UBE2D2: variants seen among roughly 807,000 people sequenced by gnomAD.
The protein encoded by UBE2D2 is ubiquitin-conjugating enzyme E2 D2.
Under a neutral mutation model 24.2 loss-of-function variants are expected in UBE2D2, and 2 were observed. The ratio of observed to expected loss-of-function variants is 0.08; its 90% CI spans 0.03 to 0.26. The LOEUF is 0.26. Ranked by LOEUF, UBE2D2 falls within the 10% of genes least tolerant of loss-of-function variation. UBE2D2 has a pLI of 1.00. For missense variants in UBE2D2, 44 were observed against 177.6 expected, an observed-to-expected ratio of 0.25 and a Z score of 4.28; for synonymous variants, 58 against 56.5, an observed-to-expected ratio of 1.03 and a Z score of -0.12.
chr5:139,618,996 CA>C lies in UBE2D2; in HGVS notation c.304+4035del, dbSNP rs746942835. Reference sequence around the variant, plus strand: ...GATGGGGACCTAAATATTTAAAAAACAAAAACAAAAACACTGAAAAAAACTG... The same window carrying C: ...GATGGGGACCTAAATATTTAAAAAACAAAACAAAAACACTGAAAAAAACTG... On this transcript the variant is annotated intron_variant, in intron 5 of 6. Coordinates refer to ENST00000398733, the MANE Select transcript of UBE2D2 (RefSeq NM_003339.3). Among the ~76,000 whole-genome samples the C allele has an allele frequency of 3.9e-5, 6 of 152,088 alleles. No individual in the cohort carries two copies. In the East Asian group the frequency reaches 9.6e-4, roughly 24 times the overall value.
intron 1 of UBE2D2, among the ~76,000 whole-genome samples, chr5:139,549,843 C>T (rs1178623168): frequency 6.6e-6 from 1 of 152,232 alleles, no homozygotes. Flanking sequence ...TTATGTCTAG[C>T]TGGAGGAGTG....
intron 1 of UBE2D2, among the ~76,000 whole-genome samples, chr5:139,548,512 A>C (rs1261934228): frequency 6.6e-6 from 1 of 151,900 alleles, no homozygotes; most frequent in Non-Finnish European, 1.5e-5. Context: ...GGAACCCAAA[A>C]CCCCAGCTTC....
intron 2 of UBE2D2, among the ~76,000 whole-genome samples, chr5:139,614,063 A>G (rs1391909929): frequency 3.3e-5 from 2 of 60,634 alleles, no homozygotes; most frequent in Non-Finnish European, 5.8e-5. Flanking sequence ...CTCTGTCTCA[A>G]AAAAAAAAAA....
chr5:139,601,846 G>A (rs922428870), intron 2 of UBE2D2, among the ~76,000 whole-genome samples: 3 of 146,282 alleles, frequency 2.1e-5, no homozygotes, highest in African/African-American at 7.6e-5. Context: ...GGAGGCAGAG[G>A]TTGCAGTGAG....
chr5:139,528,322 G>A (rs191348274), intron 1 of UBE2D2, among the ~76,000 whole-genome samples: 1 of 151,592 alleles, frequency 6.6e-6, no homozygotes, highest in East Asian at 1.9e-4. Context: ...TTTCACCCTG[G>A]CATTTCATCA....
At chr5:139,546,995 G>A (rs1752839678) in intron 1 of UBE2D2, among the ~76,000 whole-genome samples, 1 of 151,406 alleles carries the variant, frequency 6.6e-6, no homozygotes. Context: ...CCGGCTTCAA[G>A]AGATTCTCCT....
intron 5 of UBE2D2, among the ~76,000 whole-genome samples, chr5:139,620,434 C>T (rs1294566754): frequency 1.3e-5 from 2 of 152,190 alleles, no homozygotes; most frequent in African/African-American, 4.8e-5. Context: ...TCCCTGTTGT[C>T]ATTTCCAGGA....
chr5:139,550,679 A>C (rs1275631176), intron 1 of UBE2D2, among the ~76,000 whole-genome samples: 1 of 149,456 alleles, frequency 6.7e-6, no homozygotes, highest in Non-Finnish European at 1.5e-5. Flanking sequence ...CTGCAGCCTC[A>C]ATCCTGAGGC....
intron 1 of UBE2D2, among the ~76,000 whole-genome samples, chr5:139,590,306 A>G (rs766474937): frequency 1.3e-5 from 2 of 151,942 alleles, no homozygotes; most frequent in Non-Finnish European, 2.9e-5. Context: ...GTGGTGGTGG[A>G]TGCCTGTAAT....
chr5:139,577,684 G>A (rs1753509926), intron 1 of UBE2D2, among the ~76,000 whole-genome samples: 1 of 152,144 alleles, frequency 6.6e-6, no homozygotes. Context: ...AAAGTGCTGG[G>A]ATTACAGGCA....
At chr5:139,566,035 T>C (rs1049098940) in intron 1 of UBE2D2, among the ~76,000 whole-genome samples, 39 of 151,196 alleles carry the variant, frequency 2.6e-4, no homozygotes, top group Admixed American at 1.6e-3. Flanking sequence ...TTCTTTCTTT[T>C]TTTTTTTTTT....
rs373413166 is a variant in UBE2D2 at position 139,549,750 on chromosome 5, G to A, written c.-64+23138G>A. The stretch of plus-strand genomic sequence containing the variant: ...TGCAGCTGCGCAGAGCGGGACTAGC[G>A]GGCAACTCCGCCCCGGCCCAGCACA... On this transcript the variant is annotated intron_variant, in intron 1 of 6. Coordinates refer to the UBE2D2 transcript ENST00000511725. Among the ~76,000 whole-genome samples, 36 of 152,348 alleles carry A rather than the reference G, an allele frequency of 2.4e-4. 1 individual carries two copies. The highest frequency in any genetic ancestry group is 1.6e-3 in the East Asian group (8 of 5,158).
chr5:139,558,991 T>C (rs1753015892), upstream of UBE2D2, among the ~76,000 whole-genome samples: 1 of 152,004 alleles, frequency 6.6e-6, no homozygotes. Flanking sequence ...TCTGTAGAGA[T>C]GAAGTCTCTA....
At chr5:139,600,527 A>G in intron 2 of UBE2D2, 92 bp downstream of exon 2, 1 of 1,312,724 alleles carries the variant, frequency 7.6e-7, no homozygotes, top group Non-Finnish European at 1.1e-6. Context: ...GGCAGTGTTT[A>G]ACCCTTAGTG....
chr5:139,613,932 C>G (rs1754374335), intron 2 of UBE2D2, among the ~76,000 whole-genome samples: 1 of 152,024 alleles, frequency 6.6e-6, no homozygotes, highest in South Asian at 2.1e-4. Flanking sequence ...TGTGGTGGCA[C>G]TTGCCTGTAG....
At chr5:139,600,330 C>T (rs1023995732) in intron 1 of UBE2D2, 42 bp from the exon 2 acceptor site, 3 of 1,595,540 alleles carry the variant, frequency 1.9e-6, no homozygotes, top group Non-Finnish European at 2.6e-6. Flanking sequence ...ATAAAAGGTA[C>T]ATTTATGTTG....
intron 1 of UBE2D2, among the ~76,000 whole-genome samples, chr5:139,578,053 C>T (rs2126662256): frequency 6.6e-6 from 1 of 152,252 alleles, no homozygotes; most frequent in Admixed American, 6.6e-5. Flanking sequence ...CATAGGTGCT[C>T]CACCATCTGT....
chr5:139,623,496 G>A (rs377139151), intron 6 of UBE2D2, 35 bp downstream of exon 6: 2 of 1,531,300 alleles, frequency 1.3e-6, no homozygotes, highest in Non-Finnish European at 9.0e-7. Context: ...GTTATCTGTG[G>A]TGGGATGGAG....
intron 1 of UBE2D2, among the ~76,000 whole-genome samples, chr5:139,549,412 C>T (rs1008845573): frequency 6.6e-5 from 10 of 152,184 alleles, no homozygotes; most frequent in East Asian, 1.9e-4. Flanking sequence ...TCCGGGTGCG[C>T]GGGGTCTTGG....
Sources: gnomAD v4.1 joint callset for allele counts (sites outside exome capture counted in the v4.1 genomes callset) on GRCh38, gnomAD v4.1.1 for gene constraint, MANE v1.5 for transcripts, NCBI Gene and HGNC (gene_info 2026-07-23, HGNC 2026-07-21) for gene names.